COX16: variants seen among roughly 807,000 people sequenced by gnomAD.
The protein encoded by COX16 is cytochrome c oxidase assembly protein COX16 homolog, mitochondrial.
Under a neutral mutation model 15.4 loss-of-function variants are expected in COX16, and 12 were observed. The ratio of observed to expected loss-of-function variants is 0.78; its 90% CI spans 0.50 to 1.26. COX16 has a LOEUF of 1.26. COX16 is among the 50% of genes most tolerant of loss of function. The probability of loss-of-function intolerance (pLI) is 0.00; values close to 1 mark genes in which losing one functional copy is unlikely to be tolerated. For synonymous variants in COX16, 46 were observed against 41.1 expected, an observed-to-expected ratio of 1.12 and a Z score of -0.46; for missense variants, 124 against 127.6, an observed-to-expected ratio of 0.97 and a Z score of 0.14.
intron 2 of COX16, among the ~76,000 whole-genome samples, chr14:70,330,548 A>G (rs916027316): frequency 5.3e-5 from 8 of 152,224 alleles, no homozygotes; most frequent in Non-Finnish European, 1.2e-4. Context: ...AGCTTCATAT[A>G]TGAACACAAA....
At chr14:70,356,970 T>A (rs1282434335) in intron 1 of COX16, among the ~76,000 whole-genome samples, 2 of 151,660 alleles carry the variant, frequency 1.3e-5, no homozygotes, top group Non-Finnish European at 2.9e-5. Flanking sequence ...CCTGCAAACA[T>A]GATGTAAAGC....
Position 70,337,647 on chromosome 14 carries a change from T to C in COX16, c.141+5011A>G, listed in dbSNP as rs537429629. Among the ~76,000 whole-genome samples the C allele has an allele frequency of 2.4e-3, 370 of 152,286 alleles. 1 individual carries two copies. In the Middle Eastern group the frequency reaches 0.037, roughly 15 times the overall value. ...TAAAGCAGATCTATAGTGATCCTTA[T>C]GTTGGAGACAGGCCTTTTAAGTAAC... is the stretch of plus-strand genomic sequence containing the variant. On this transcript the variant is annotated intron_variant, in intron 2 of 3. Coordinates refer to ENST00000389912, the MANE Select transcript of COX16 (RefSeq NM_016468.7).
In COX16 at chr14:70,347,640, G is replaced by A. The variant is rs1473838306; in HGVS notation, c.70-4911C>T. Among the ~76,000 whole-genome samples, 4 of 152,044 alleles carry A rather than the reference G, an allele frequency of 2.6e-5. No homozygotes were observed. The East Asian group carries it at 5.8e-4, about 22-fold the overall frequency. On this transcript the variant is annotated intron_variant, in intron 1 of 3. Coordinates refer to ENST00000389912, the MANE Select transcript of COX16 (RefSeq NM_016468.7). ...TAGCCCCTCTCAAAGAGACTGCAAC[G>A]CCCATGCTATCTCTCTCTTTTAAAC...
intron 1 of COX16, among the ~76,000 whole-genome samples, chr14:70,354,835 T>TGTGC (rs1555345889): frequency 1.8e-4 from 14 of 77,428 alleles, no homozygotes; most frequent in African/African-American, 6.6e-4. Flanking sequence ...ATAGAGTGTG[T>TGTGC]GTGTGCGTGT....
At position 70,354,701 on chromosome 14, in the gene COX16, A is replaced by G. The variant is rs1460425633; in HGVS notation, c.69+4818T>C. On this transcript the variant is annotated intron_variant, in intron 1 of 3. Coordinates refer to ENST00000389912, the MANE Select transcript of COX16 (RefSeq NM_016468.7). ...TATCCTTTATAATAACACTGTAATC[A>G]TAAGTATAGTATTCTCCTGAGTTCT... Among the ~76,000 whole-genome samples the G allele has an allele frequency of 2.6e-5, 4 of 152,122 alleles. No homozygotes were observed. In the East Asian group the frequency reaches 5.8e-4, roughly 22 times the overall value.
rs145642318 is a variant in COX16, at chr14:70,334,565, A to G, written c.142-5329T>C. ...AAAAATTCAACATGTTGGGGGAAAG[A>G]GAGTTAATGTGTATAGGTTTTTATT... On this transcript the variant is annotated intron_variant, in intron 2 of 3. Transcript: ENST00000389912. 3.4e-3 allele frequency among the ~76,000 whole-genome samples: 521 copies of G among 152,298 alleles called. 3 individuals are homozygous for G. Among genetic ancestry groups the G allele is most frequent in the African/African-American group, 0.012 (493 of 41,564 alleles).
At chr14:70,341,297 T>A (rs1481520158) in intron 2 of COX16, among the ~76,000 whole-genome samples, 1 of 152,168 alleles carries the variant, frequency 6.6e-6, no homozygotes, top group Non-Finnish European at 1.5e-5. Flanking sequence ...AATTTAAAAT[T>A]TACCCTAATA....
At chr14:70,358,104 G>T (rs997355233) in intron 1 of COX16, among the ~76,000 whole-genome samples, 1 of 152,080 alleles carries the variant, frequency 6.6e-6, no homozygotes, top group African/African-American at 2.4e-5. Flanking sequence ...ATTCTAAGTG[G>T]AAGAATCCAG....
In COX16 at chr14:70,353,483, C is replaced by T. The variant is rs1594927525; in HGVS notation, c.69+6036G>A. ...ATAAATATATATATATACATACACA[C>T]ACACATAGAGATAGATAGATAGATA... On this transcript the variant is annotated intron_variant, in intron 1 of 3. Coordinates refer to ENST00000389912, the MANE Select transcript of COX16 (RefSeq NM_016468.7). Among the ~76,000 whole-genome samples the T allele has an allele frequency of 2.9e-5, 4 of 139,400 alleles. No homozygotes were observed. In the South Asian group the frequency reaches 9.6e-4, roughly 34 times the overall value. The allele number at this position is 139,400 out of a possible 152,430, so 91.5% of individuals were successfully genotyped here.
At chr14:70,358,606 C>T (rs2140772343) in intron 1 of COX16, among the ~76,000 whole-genome samples, 1 of 152,208 alleles carries the variant, frequency 6.6e-6, no homozygotes, top group South Asian at 2.1e-4. Flanking sequence ...TCTAAGATCA[C>T]TTCTTTCCTT....
At chr14:70,327,988 T>G (rs2140672049) in intron 3 of COX16, among the ~76,000 whole-genome samples, 1 of 152,200 alleles carries the variant, frequency 6.6e-6, no homozygotes, top group East Asian at 1.9e-4. Flanking sequence ...GACCTTTCTT[T>G]TAACATTTTG....
chr14:70,354,835 TGTGTGC>T (rs1230173388), intron 1 of COX16, among the ~76,000 whole-genome samples: 1 of 77,426 alleles, frequency 1.3e-5, no homozygotes, highest in Non-Finnish European at 2.8e-5. Flanking sequence ...ATAGAGTGTG[TGTGTGC>T]GTGTGTGTGT....
chr14:70,338,515 G>C (rs1886527210), intron 2 of COX16, among the ~76,000 whole-genome samples: 1 of 152,202 alleles, frequency 6.6e-6, no homozygotes, highest in South Asian at 2.1e-4. Flanking sequence ...ATATACTATA[G>C]AAAGCACGAT....
At chr14:70,329,122 T>TAAAACCAGTAACTGATTGTTATAAGAC in intron 3 of COX16, 52 bp downstream of exon 3, 1 of 1,539,612 alleles carries the variant, frequency 6.5e-7, no homozygotes, top group Non-Finnish European at 8.8e-7. Context: ...TTAAGGCAGA[T>TAAAACCAGTAACTGATTGTTATAAGAC]AAAACCAGTA....
chr14:70,329,141 T>G, intron 3 of COX16, 33 bp downstream of exon 3: 1 of 1,581,616 alleles, frequency 6.3e-7, no homozygotes, highest in Non-Finnish European at 8.6e-7. Context: ...TAACTGATTG[T>G]TATAAGACAG....
Position 70,359,557 on chromosome 14 carries a change from G to A in COX16, c.31C>T (p.Arg11Cys). MFAPAVMRAF[R>C]KNKTLGYGVP... ...CCATAGCCGAGAGTCTTGTTCTTGCGAAAAGCACGCATCACCGCGGGTGCA... is the reference window on the plus strand; with the variant it reads ...CCATAGCCGAGAGTCTTGTTCTTGCAAAAAGCACGCATCACCGCGGGTGCA... Residue 11 changes from arginine (R) to cysteine (C), a missense_variant, in exon 1 of 4, where the codon CGC becomes TGC. By Grantham distance (180) the Arg-to-Cys change is radical. Coordinates refer to ENST00000389912, the MANE Select transcript of COX16 (RefSeq NM_016468.7). The A allele has an allele frequency of 6.2e-7, 1 of 1,614,068 alleles. No individual in the cohort carries two copies.
At position 70,355,787 on chromosome 14, in the gene COX16, C is replaced by T. The variant is rs74483515; in HGVS notation, c.69+3732G>A. 3.0e-3 allele frequency among the ~76,000 whole-genome samples: 458 copies of T among 152,248 alleles called. 3 individuals are homozygous for T. Among genetic ancestry groups the T allele is most frequent in the African/African-American group, 0.01 (428 of 41,550 alleles). ...TCCAAACCTCCTGTTGAAATCTGAC[C>T]CCCAATGTTGGAGGGAAGGCCTAGT... On this transcript the variant is annotated intron_variant, in intron 1 of 3. Coordinates refer to ENST00000389912, the MANE Select transcript of COX16 (RefSeq NM_016468.7).
intron 2 of COX16, among the ~76,000 whole-genome samples, chr14:70,329,931 AATGAG>A (rs1886227756): frequency 1.3e-5 from 2 of 152,196 alleles, no homozygotes; most frequent in African/African-American, 4.8e-5. Flanking sequence ...AAGAGATAAA[AATGAG>A]ATGAATGAAA....
At chr14:70,357,800 T>C (rs768313347) in intron 1 of COX16, among the ~76,000 whole-genome samples, 19 of 152,318 alleles carry the variant, frequency 1.2e-4, no homozygotes, top group African/African-American at 4.3e-4. Context: ...CTGGTGGGAA[T>C]GTAAAATGAT....
Sources: allele counts gnomAD v4.1 joint callset (sites outside exome capture counted in the v4.1 genomes callset), GRCh38; gene constraint gnomAD v4.1.1; transcripts MANE v1.5; gene names NCBI Gene and HGNC (gene_info 2026-07-23, HGNC 2026-07-21).